Variants in MYBL1 observed in about 807,000 individuals in gnomAD.
MYBL1 encodes MYB proto-oncogene like 1.
A neutral mutation model predicts 96.3 loss-of-function variants in MYBL1; 17 were observed. The observed-to-expected ratio is 0.18, with a 90% CI of 0.12 to 0.26. The LOEUF (loss-of-function observed/expected upper bound fraction) is 0.26, where lower values mean the gene tolerates loss of function less well. MYBL1 is among the 10% of genes least tolerant of loss of function. The probability of loss-of-function intolerance (pLI) is 1.00; values close to 1 mark genes in which losing one functional copy is unlikely to be tolerated. For synonymous variants in MYBL1, 282 were observed against 292.7 expected, an observed-to-expected ratio of 0.96 and a Z score of 0.37; for missense variants, 701 against 882.9, an observed-to-expected ratio of 0.79 and a Z score of 2.61.
chr8:66,572,560 A>C lies in MYBL1; in HGVS notation c.1650T>G (p.Gly550=), dbSNP rs1319111078. Residue 550 remains glycine, a synonymous_variant, in exon 12 of 16, where the codon GGT becomes GGG. Coordinates refer to ENST00000522677, the MANE Select transcript of MYBL1 (RefSeq NM_001080416.4). ...RTPTIRRSIL[G]TTPRTPTPFK... ...AAGGAGTAGGAGTTCTTGGTGTGGT[A>C]CCCAGTATAGATCTTCTAATAGTAG... 6.2e-7 allele frequency: 1 copy of C among 1,600,208 alleles called. No homozygotes were observed. The highest frequency in any genetic ancestry group is 1.3e-5 in the African/African-American group (1 of 74,674).
At chr8:66,593,591 C>G (rs1265665877) in intron 6 of MYBL1, among the ~76,000 whole-genome samples, 1 of 152,162 alleles carries the variant, frequency 6.6e-6, no homozygotes, top group African/African-American at 2.4e-5. Flanking sequence ...CTCACAAGGA[C>G]AGAGACCTGA....
At chr8:66,594,693 C>A (rs558795610) in intron 6 of MYBL1, among the ~76,000 whole-genome samples, 1 of 152,230 alleles carries the variant, frequency 6.6e-6, no homozygotes, top group African/African-American at 2.4e-5. Flanking sequence ...TGAGTATCAG[C>A]AGATAATTAT....
intron 6 of MYBL1, 36 bp from the exon 7 acceptor site, chr8:66,593,230 A>T: frequency 7.8e-7 from 1 of 1,285,548 alleles, no homozygotes; most frequent in Non-Finnish European, 1.1e-6. Context: ...TCATACATAT[A>T]ATGCTATAAA....
intron 1 of MYBL1, among the ~76,000 whole-genome samples, chr8:66,604,666 C>T (rs1302056965): frequency 1.3e-5 from 2 of 151,570 alleles, no homozygotes; most frequent in Non-Finnish European, 2.9e-5. Context: ...GTAAATGTGA[C>T]AAAAATCTGG....
Position 66,607,211 on chromosome 8 carries a change from C to A in MYBL1, c.21-4688G>T, listed in dbSNP as rs538573288. Among the ~76,000 whole-genome samples the A allele has an allele frequency of 1.1e-3, 162 of 151,952 alleles. 1 individual carries two copies. Among genetic ancestry groups the A allele is most frequent in the African/African-American group, 3.8e-3 (159 of 41,454 alleles). Reference sequence around the variant, plus strand: ...CCATTTTCAGCTATCAGAAATATCACCTGATAGGCCAATATTAAATTGTTA... The same window carrying A: ...CCATTTTCAGCTATCAGAAATATCAACTGATAGGCCAATATTAAATTGTTA... On this transcript the variant is annotated intron_variant, in intron 1 of 15. Coordinates refer to ENST00000522677, the MANE Select transcript of MYBL1 (RefSeq NM_001080416.4).
chr8:66,601,628 G>A (rs1810076628), intron 3 of MYBL1, 70 bp downstream of exon 3: 1 of 885,496 alleles, frequency 1.1e-6, no homozygotes, highest in Non-Finnish European at 1.7e-6. Context: ...ACACATTTTT[G>A]AAAAATAGCA....
At chr8:66,583,576 G>T (rs1809299286) in intron 8 of MYBL1, among the ~76,000 whole-genome samples, 1 of 150,004 alleles carries the variant, frequency 6.7e-6, no homozygotes, top group Admixed American at 6.6e-5. Flanking sequence ...CTGCTGGCCA[G>T]ACTAACCAAG....
chr8:66,599,275 A>T (rs1005525915), intron 3 of MYBL1, 133 bp from the exon 4 acceptor site: 35 of 519,338 alleles, frequency 6.7e-5, no homozygotes, highest in Non-Finnish European at 3.3e-5. Context: ...TAAACATGTA[A>T]CATTTATGTT....
Position 66,564,743 on chromosome 8 carries a change from C to A in MYBL1, c.2213G>T (p.Ser738Ile). Residue 738 changes from serine (S) to isoleucine (I), a missense_variant, in exon 16 of 16, where the codon AGT becomes ATT. By Grantham distance (142) the Ser-to-Ile change is moderately radical (BLOSUM62 -2). This residue lies in a region of MYBL1 where 137 missense variants were observed against 137.5 expected (regional missense o/e 1.00). Coordinates refer to ENST00000522677, the MANE Select transcript of MYBL1 (RefSeq NM_001080416.4). ...IMTEQARRYL[S>I]TYTATSSTSR... ...AGTACTACTGGTAGCTGTGTAAGTACTCAGATATCTTCTTGCTTGTTCAGT... is the reference window on the plus strand; with the variant it reads ...AGTACTACTGGTAGCTGTGTAAGTAATCAGATATCTTCTTGCTTGTTCAGT... The A allele has an allele frequency of 1.3e-6, 2 of 1,586,246 alleles. No homozygotes were observed. The highest frequency in any genetic ancestry group is 1.7e-6 in the Non-Finnish European group (2 of 1,163,270).
At chr8:66,585,222 C>T (rs1395943432) in intron 8 of MYBL1, among the ~76,000 whole-genome samples, 1 of 152,106 alleles carries the variant, frequency 6.6e-6, no homozygotes, top group South Asian at 2.1e-4. Flanking sequence ...AATAAATCCA[C>T]GCATTTACAG....
Position 66,597,534 on chromosome 8 carries a change from T to C in MYBL1, c.308A>G (p.Gln103Arg). 2 of 1,607,338 alleles carry C rather than the reference T, an allele frequency of 1.2e-6. No individual in the cohort carries two copies. The highest frequency in any genetic ancestry group is 1.7e-6 in the Non-Finnish European group (2 of 1,175,506). ...EEDQRVIELV[Q>R]KYGPKRWSLI... ...AGACCATCTTTTTGGCCCATATTTCTGAACTAATTCAATAACCTAGGAAAC... is the reference window on the plus strand; with the variant it reads ...AGACCATCTTTTTGGCCCATATTTCCGAACTAATTCAATAACCTAGGAAAC... The change falls in exon 5 of 16, where the codon CAG becomes CGG. Residue 103 changes from glutamine (Q) to arginine (R), a missense_variant. Gln to Arg is a conservative substitution (Grantham distance 43). Transcript: ENST00000522677.
intron 3 of MYBL1, among the ~76,000 whole-genome samples, chr8:66,601,131 C>T (rs1344527958): frequency 7.5e-6 from 1 of 133,086 alleles, no homozygotes; most frequent in Non-Finnish European, 1.5e-5. Flanking sequence ...GAGCCGAGAT[C>T]GTGCCATTGC....
At chr8:66,598,474 C>T (rs1809938371) in intron 4 of MYBL1, among the ~76,000 whole-genome samples, 1 of 152,152 alleles carries the variant, frequency 6.6e-6, no homozygotes, top group African/African-American at 2.4e-5. Context: ...GCTCTAATTC[C>T]TCAACTGCAT....
intron 8 of MYBL1, among the ~76,000 whole-genome samples, chr8:66,588,697 G>T (rs1427440955): frequency 6.6e-6 from 1 of 152,050 alleles, no homozygotes; most frequent in East Asian, 1.9e-4. Context: ...CAGTAAAATG[G>T]CAGTCAATAT....
rs774867068 is a variant in MYBL1 at position 66,575,994 on chromosome 8, T to C, written c.1470+13A>G. The C allele has an allele frequency of 1.1e-5, 18 of 1,595,512 alleles. No individual in the cohort carries two copies. The South Asian group carries it at 1.7e-4, about 15-fold the overall frequency. The stretch of plus-strand genomic sequence containing the variant: ...TTGACATTTAGAAACATAAACAAAA[T>C]GAACACCACTACCTGTGAAGGAGAA... On this transcript the variant is annotated intron_variant, in intron 10 of 15. Coordinates refer to ENST00000522677, the MANE Select transcript of MYBL1 (RefSeq NM_001080416.4).
rs1245633568 is a variant in MYBL1 at position 66,563,468 on chromosome 8, G to A, written c.*1229C>T. ...GTGCAAACACCTAAAACAGGCAACT[G>A]AAGCAACTGTTGTAACCTGTAGAGA... is the stretch of plus-strand genomic sequence containing the variant. On this transcript the variant is annotated 3_prime_UTR_variant, in exon 16 of 16. Transcript: ENST00000522677. 6.6e-6 allele frequency: 1 copy of A among 152,450 alleles called. No homozygotes were observed. Among genetic ancestry groups the A allele is most frequent in the Non-Finnish European group, 1.5e-5 (1 of 67,960 alleles). The allele number at this position is 152,450 out of a possible 1,614,324, so 9.4% of individuals were successfully genotyped here.
intron 12 of MYBL1, among the ~76,000 whole-genome samples, chr8:66,568,489 G>A (rs575053956): frequency 2.6e-5 from 4 of 151,754 alleles, no homozygotes; most frequent in South Asian, 2.1e-4. Flanking sequence ...TACTAGAGAC[G>A]GGGTTTCACC....
chr8:66,589,257 A>G (rs1345127871), intron 8 of MYBL1, among the ~76,000 whole-genome samples: 1 of 151,876 alleles, frequency 6.6e-6, no homozygotes, highest in Non-Finnish European at 1.5e-5. Flanking sequence ...AAAATCCAAA[A>G]TGGTTTAAAC....
intron 1 of MYBL1, 43 bp downstream of exon 1, chr8:66,612,776 C>G: frequency 2.2e-6 from 3 of 1,348,200 alleles, no homozygotes; most frequent in Non-Finnish European, 2.9e-6. Flanking sequence ...GAATCTGAGC[C>G]GAGACGGCGC....
Sources: allele counts gnomAD v4.1 joint callset (sites outside exome capture counted in the v4.1 genomes callset), GRCh38; gene constraint gnomAD v4.1.1; regional missense constraint gnomAD v4.1.1; transcripts MANE v1.5; gene names NCBI Gene and HGNC (gene_info 2026-07-23, HGNC 2026-07-21).